UBE2E2: variants seen among roughly 807,000 people sequenced by gnomAD.
The protein encoded by UBE2E2 is ubiquitin conjugating enzyme E2 E2, also known as ubiquitin-conjugating enzyme E2 E2.
Under a neutral mutation model 24.7 loss-of-function variants are expected in UBE2E2, and 6 were observed. The observed-to-expected ratio is 0.24, with a 90% confidence interval of 0.13 to 0.48. UBE2E2 has a LOEUF of 0.48. UBE2E2 is among the 20% of genes least tolerant of loss of function. The pLI is 0.99. For missense variants in UBE2E2, 169 were observed against 245.0 expected, an observed-to-expected ratio of 0.69 and a Z score of 2.07; for synonymous variants, 104 against 83.6, an observed-to-expected ratio of 1.24 and a Z score of -1.33.
intron 5 of UBE2E2, among the ~76,000 whole-genome samples, chr3:23,579,682 A>G (rs1696432024): frequency 6.6e-6 from 1 of 152,166 alleles, no homozygotes; most frequent in South Asian, 2.1e-4. Flanking sequence ...CCTGGGCAAC[A>G]GAGCAAGACC....
intron 3 of UBE2E2, among the ~76,000 whole-genome samples, chr3:23,370,932 C>T (rs931609): frequency 0.84 from 128,373 of 152,204 alleles, 54,258 homozygotes; most frequent in African/African-American, 0.91. Flanking sequence ...GCTTATAAAA[C>T]TTGAAAACGT....
intron 3 of UBE2E2, among the ~76,000 whole-genome samples, chr3:23,304,984 T>C (rs1699202050): frequency 6.6e-6 from 1 of 152,188 alleles, no homozygotes; most frequent in Non-Finnish European, 1.5e-5. Context: ...ATGCAGACTT[T>C]CCACATGTTG....
chr3:23,335,915 T>G (rs1490196271), intron 3 of UBE2E2, among the ~76,000 whole-genome samples: 1 of 152,190 alleles, frequency 6.6e-6, no homozygotes, highest in Non-Finnish European at 1.5e-5. Flanking sequence ...ACTTAGCTCT[T>G]TGCTCAAAAA....
chr3:23,504,222 T>C (rs1357040159), intron 4 of UBE2E2, among the ~76,000 whole-genome samples: 1 of 152,222 alleles, frequency 6.6e-6, no homozygotes, highest in African/African-American at 2.4e-5. Context: ...TCTAATGTTA[T>C]ATTTTCATCC....
At chr3:23,424,643 T>TA (rs1697882279) in intron 3 of UBE2E2, among the ~76,000 whole-genome samples, 1 of 152,156 alleles carries the variant, frequency 6.6e-6, no homozygotes, top group Non-Finnish European at 1.5e-5. Context: ...CAAATTGAGC[T>TA]AATGTATTGT....
At chr3:23,487,541 A>G (rs1371764573) in intron 3 of UBE2E2, among the ~76,000 whole-genome samples, 6 of 152,356 alleles carry the variant, frequency 3.9e-5, no homozygotes, top group East Asian at 1.9e-4. Context: ...ACCGCCATCA[A>G]TAGTATAAAC....
In UBE2E2 at chr3:23,499,617, C is replaced by T. The variant is rs377278728; in HGVS notation, c.237C>T (p.Pro79=). 16 of 1,612,924 alleles carry T rather than the reference C, an allele frequency of 9.9e-6. No homozygotes were observed. Among genetic ancestry groups the T allele is most frequent in the African/African-American group, 1.3e-5 (1 of 74,866 alleles). Residue 79 remains proline, a synonymous_variant, in exon 4 of 6, where the codon CCC becomes CCT. Transcript: ENST00000396703. ...LDPPPNCSAG[P]KGDNIYEWRS... ...GTATGTCTTATTTCAGTGCTGGACC[C>T]AAAGGAGACAACATTTATGAATGGA...
chr3:23,432,434 T>G (rs1399931089), intron 3 of UBE2E2, among the ~76,000 whole-genome samples: 2 of 152,080 alleles, frequency 1.3e-5, no homozygotes, highest in Admixed American at 1.3e-4. Context: ...ACTATAGGAC[T>G]TTAAACAAAT....
intron 3 of UBE2E2, among the ~76,000 whole-genome samples, chr3:23,299,758 C>T (rs1002107545): frequency 6.6e-6 from 1 of 152,162 alleles, no homozygotes; most frequent in Admixed American, 6.5e-5. Flanking sequence ...AATGTATACT[C>T]TGTTGATTTG....
intron 3 of UBE2E2, among the ~76,000 whole-genome samples, chr3:23,348,475 A>C (rs1695627342): frequency 6.6e-6 from 1 of 152,174 alleles, no homozygotes; most frequent in Admixed American, 6.5e-5. Context: ...AAGATAAGAC[A>C]ATAGCCAGAC....
intron 3 of UBE2E2, among the ~76,000 whole-genome samples, chr3:23,232,025 T>C (rs1319978488): frequency 1.3e-5 from 2 of 152,230 alleles, no homozygotes; most frequent in African/African-American, 2.4e-5. Flanking sequence ...ATTGGACCTC[T>C]TATGGAGACC....
At chr3:23,274,249 G>T (rs1052056086) in intron 3 of UBE2E2, among the ~76,000 whole-genome samples, 1 of 152,038 alleles carries the variant, frequency 6.6e-6, no homozygotes, top group Non-Finnish European at 1.5e-5. Flanking sequence ...TCATATTGTT[G>T]AAGAAATACC....
At chr3:23,412,844 C>A (rs1326333511) in intron 3 of UBE2E2, among the ~76,000 whole-genome samples, 3 of 152,142 alleles carry the variant, frequency 2.0e-5, no homozygotes, top group African/African-American at 7.2e-5. Context: ...GGAGCCAGAA[C>A]CTTGTGTTTA....
At chr3:23,560,593 T>G (rs991531251) in intron 5 of UBE2E2, among the ~76,000 whole-genome samples, 18 of 152,026 alleles carry the variant, frequency 1.2e-4, no homozygotes, top group South Asian at 2.1e-4. Context: ...GTAATGGGAT[T>G]GCTGGGTCAA....
At chr3:23,396,323 ATATATACG>A (rs931732492) in intron 3 of UBE2E2, among the ~76,000 whole-genome samples, 47 of 110,184 alleles carry the variant, frequency 4.3e-4, no homozygotes, top group African/African-American at 1.4e-3. Context: ...ATATATGTAT[ATATATACG>A]TATATATATA....
intron 3 of UBE2E2, among the ~76,000 whole-genome samples, chr3:23,475,488 G>T (rs901106951): frequency 6.6e-6 from 1 of 151,886 alleles, no homozygotes; most frequent in African/African-American, 2.4e-5. Context: ...CCCTGTAACT[G>T]GTCTCATGTC....
intron 3 of UBE2E2, among the ~76,000 whole-genome samples, chr3:23,220,653 G>A (rs60385173): frequency 0.014 from 2,155 of 152,276 alleles, 52 homozygotes; most frequent in African/African-American, 0.049. Context: ...ATCAATAAAT[G>A]TTTTCATACT....
chr3:23,429,644 A>T (rs1575623412), intron 3 of UBE2E2, among the ~76,000 whole-genome samples: 2 of 152,198 alleles, frequency 1.3e-5, no homozygotes, highest in South Asian at 4.1e-4. Flanking sequence ...TTCTGCTCTT[A>T]CAGCATTGTA....
intron 3 of UBE2E2, among the ~76,000 whole-genome samples, chr3:23,282,611 T>C (rs1287440357): frequency 6.6e-6 from 1 of 152,218 alleles, no homozygotes; most frequent in East Asian, 1.9e-4. Context: ...TGCCTTGTAT[T>C]CTGCAGTTTG....
Sources: gnomAD v4.1 joint callset for allele counts (sites outside exome capture counted in the v4.1 genomes callset) on GRCh38, gnomAD v4.1.1 for gene constraint, MANE v1.5 for transcripts, NCBI Gene and HGNC (gene_info 2026-07-23, HGNC 2026-07-21) for gene names.